LSM4: variants seen among roughly 807,000 people sequenced by gnomAD.
LSM4 encodes LSM4 homolog, U6 small nuclear RNA and mRNA degradation associated, also known as U6 snRNA-associated Sm-like protein LSm4.
A neutral mutation model predicts 22.3 loss-of-function variants in LSM4; 15 were observed. That is an observed-to-expected ratio of 0.67 (90% CI 0.45 to 1.03). The LOEUF (loss-of-function observed/expected upper bound fraction) is 1.03, where lower values mean the gene tolerates loss of function less well. Ranked by LOEUF, LSM4 falls within the 50% of genes least tolerant of loss-of-function variation. The pLI is 0.00. For missense variants in LSM4, 127 were observed against 198.0 expected (o/e 0.64, Z 2.15); for synonymous variants, 90 against 79.8 (o/e 1.13, Z -0.68).
At chr19:18,309,547 G>C (rs1970273232) in intron 4 of LSM4, 131 bp downstream of exon 4, 1 of 1,001,008 alleles carries the variant, frequency 1.0e-6, no homozygotes, top group Non-Finnish European at 1.4e-6. Context: ...TCATGGCCAA[G>C]GACCAGGAGG....
intron 2 of LSM4, among the ~76,000 whole-genome samples, chr19:18,313,050 C>T (rs1970315878): frequency 6.6e-6 from 1 of 152,194 alleles, no homozygotes; most frequent in Admixed American, 6.5e-5. Flanking sequence ...GAAACCCCAT[C>T]TCTACTAAAA....
chr19:18,310,033 T>TC (rs1970281800), intron 3 of LSM4, 172 bp from the exon 4 acceptor site: 1 of 632,792 alleles, frequency 1.6e-6, no homozygotes, highest in Admixed American at 3.1e-5. Flanking sequence ...GCAGGCAGGA[T>TC]CTGTCCTGAC....
At chr19:18,316,911 C>T (rs769664268) in intron 1 of LSM4, among the ~76,000 whole-genome samples, 6 of 152,178 alleles carry the variant, frequency 3.9e-5, no homozygotes, top group Non-Finnish European at 8.8e-5. Flanking sequence ...GAGAAGGCCA[C>T]ATCTGAGCTG....
chr19:18,322,914 T>G, intron 1 of LSM4, 104 bp downstream of exon 1: 2 of 1,507,448 alleles, frequency 1.3e-6, no homozygotes, highest in Non-Finnish European at 1.8e-6. Flanking sequence ...GCTCGGACCT[T>G]ACGTTCGCCC....
intron 4 of LSM4, among the ~76,000 whole-genome samples, chr19:18,307,933 T>TG (rs1970249495): frequency 7.5e-6 from 1 of 133,802 alleles, no homozygotes. Flanking sequence ...TAGGCCAGGC[T>TG]GGGGGCTCCC....
intron 3 of LSM4, among the ~76,000 whole-genome samples, chr19:18,311,849 C>G (rs959774362): frequency 5.3e-5 from 8 of 152,172 alleles, no homozygotes; most frequent in Admixed American, 3.3e-4. Flanking sequence ...CGCCTCCCCC[C>G]TCGAGCCCTG....
At chr19:18,321,547 G>A (rs182291437) in intron 1 of LSM4, among the ~76,000 whole-genome samples, 43 of 152,264 alleles carry the variant, frequency 2.8e-4, no homozygotes, top group African/African-American at 9.6e-4. Context: ...GCCCTTTCCC[G>A]AAAAGACCCT....
Position 18,316,078 on chromosome 19 carries a change from T to C in LSM4, c.4-13A>G, listed in dbSNP as rs764017733. ...GTGACAAGGGAAGCTGAAAGGCAAA[T>C]AAAGCCACATGATTTGTCTGTTTGA... On this transcript the variant is annotated splice_polypyrimidine_tract_variant and intron_variant, in intron 1 of 4. Coordinates refer to ENST00000593829, the MANE Select transcript of LSM4 (RefSeq NM_012321.5). 30 of 1,613,256 alleles carry C rather than the reference T, an allele frequency of 1.9e-5. No individual in the cohort carries two copies. Among genetic ancestry groups the C allele is most frequent in the Non-Finnish European group, 2.5e-5 (30 of 1,179,578 alleles).
At chr19:18,313,960 C>T (rs371628889) in intron 2 of LSM4, among the ~76,000 whole-genome samples, 2 of 152,136 alleles carry the variant, frequency 1.3e-5, no homozygotes, top group Non-Finnish European at 2.9e-5. Flanking sequence ...GCTGGGATTA[C>T]AGGCGCCTGC....
intron 3 of LSM4, among the ~76,000 whole-genome samples, chr19:18,310,759 C>T (rs898743011): frequency 9.9e-5 from 15 of 152,220 alleles, no homozygotes; most frequent in Non-Finnish European, 2.1e-4. Flanking sequence ...AGGGCCCCCT[C>T]CAGCCTGGGG....
chr19:18,317,468 G>T (rs1970368922), intron 1 of LSM4, among the ~76,000 whole-genome samples: 1 of 151,698 alleles, frequency 6.6e-6, no homozygotes, highest in Admixed American at 6.6e-5. Context: ...GAGTAGCTGG[G>T]ACTACAGGCG....
rs746136304 is a variant in LSM4, at chr19:18,309,709, C to T, written c.297G>A (p.Gln99=). The T allele has an allele frequency of 1.3e-5, 21 of 1,610,564 alleles. No homozygotes were observed. The South Asian group carries it at 2.1e-4, about 16-fold the overall frequency. The part of the protein sequence containing the change: ...GRGGLQQQKQ[Q]KGRGMGGAGR... ...CAGCGCCGCCCATGCCGCGGCCTTT[C>T]TGCTGCTTCTGCTGCTGCAGGCCTC... The change falls in exon 4 of 5, where the codon CAG becomes CAA. Residue 99 remains glutamine (Q), a synonymous_variant. Transcript: ENST00000593829.
chr19:18,318,696 C>A (rs1970387670), intron 1 of LSM4, among the ~76,000 whole-genome samples: 1 of 152,238 alleles, frequency 6.6e-6, no homozygotes, highest in Non-Finnish European at 1.5e-5. Flanking sequence ...CTTAAAGGCC[C>A]ACCTCTCATT....
intron 2 of LSM4, among the ~76,000 whole-genome samples, chr19:18,314,955 G>C (rs1186575586): frequency 6.6e-6 from 1 of 151,980 alleles, no homozygotes; most frequent in Admixed American, 6.6e-5. Context: ...CGCGATCTCA[G>C]CTCACTGCAA....
chr19:18,311,672 C>G (rs993119997), intron 3 of LSM4, among the ~76,000 whole-genome samples: 9 of 152,182 alleles, frequency 5.9e-5, no homozygotes, highest in Non-Finnish European at 1.2e-4. Context: ...CAGACGCCCT[C>G]CGACAGGCTA....
intron 1 of LSM4, among the ~76,000 whole-genome samples, chr19:18,321,939 G>A (rs1009941237): frequency 6.6e-6 from 1 of 152,116 alleles, no homozygotes; most frequent in Non-Finnish European, 1.5e-5. Flanking sequence ...TCAAAACTCG[G>A]ATCCCCTAAT....
intron 3 of LSM4, 132 bp from the exon 4 acceptor site, chr19:18,309,993 C>G: frequency 1.2e-6 from 1 of 821,128 alleles, no homozygotes. Flanking sequence ...AGTATCAGTC[C>G]CGGGACATAC....
chr19:18,322,479 T>G (rs539252668), intron 1 of LSM4, among the ~76,000 whole-genome samples: 3 of 152,144 alleles, frequency 2.0e-5, no homozygotes, highest in South Asian at 4.1e-4. Context: ...TGACATGCTA[T>G]GTGACCCAAG....
chr19:18,307,176 AC>A lies in LSM4; in HGVS notation c.*287del. The A allele has an allele frequency of 2.9e-6, 1 of 344,810 alleles. No homozygotes were observed. Among genetic ancestry groups the A allele is most frequent in the Non-Finnish European group, 5.2e-6 (1 of 191,610 alleles). 21.4% of individuals were successfully genotyped at this position (344,810 alleles called of 1,614,324 possible). A position where few individuals can be genotyped will look rare whatever the true frequency, so the allele number is the denominator to read the frequency against. On this transcript the variant is annotated 3_prime_UTR_variant, in exon 5 of 5. Transcript: ENST00000593829. ...CCGCCTGGAAAATGCTGCCCTGAGA[AC>A]CAGAGCGAGGGCTTGAAAGATGCCT... is the stretch of plus-strand genomic sequence containing the variant.
Sources: allele counts gnomAD v4.1 joint callset (sites outside exome capture counted in the v4.1 genomes callset), GRCh38; gene constraint gnomAD v4.1.1; transcripts MANE v1.5; gene names NCBI Gene and HGNC (gene_info 2026-07-23, HGNC 2026-07-21).